Variants in PCDH9 observed in about 807,000 individuals in gnomAD.
PCDH9 encodes the protein protocadherin 9.
Under a neutral mutation model 70.6 loss-of-function variants are expected in PCDH9, and 24 were observed. That is an observed-to-expected ratio of 0.34 (90% confidence interval 0.25 to 0.48). The LOEUF (loss-of-function observed/expected upper bound fraction) is 0.48, where lower values mean the gene tolerates loss of function less well. PCDH9 is among the 20% of genes least tolerant of loss of function. The pLI is 0.99. For missense variants in PCDH9, 1,281 were observed against 1,503.6 expected (o/e 0.85, Z 2.45); for synonymous variants, 562 against 558.5 (o/e 1.01, Z -0.09).
At chr13:67,033,985 T>G (rs181948766) in intron 2 of PCDH9, among the ~76,000 whole-genome samples, 2 of 152,220 alleles carry the variant, frequency 1.3e-5, no homozygotes, top group Non-Finnish European at 2.9e-5. Flanking sequence ...TGTGTTTTTT[T>G]GTTTGTTTTT....
intron 4 of PCDH9, among the ~76,000 whole-genome samples, chr13:66,517,111 A>T (rs1593608515): frequency 6.6e-6 from 1 of 152,222 alleles, no homozygotes; most frequent in East Asian, 1.9e-4. Flanking sequence ...CACGTGCCAA[A>T]CTATATATGG....
chr13:66,565,043 C>A (rs1457414340), intron 4 of PCDH9, among the ~76,000 whole-genome samples: 1 of 151,960 alleles, frequency 6.6e-6, no homozygotes, highest in East Asian at 1.9e-4. Flanking sequence ...TGTACATATT[C>A]TTTTAACTGT....
chr13:66,355,035 G>T (rs1956356813), intron 4 of PCDH9, among the ~76,000 whole-genome samples: 1 of 152,126 alleles, frequency 6.6e-6, no homozygotes, highest in Non-Finnish European at 1.5e-5. Context: ...AATGCTGCCG[G>T]TCGGTCCATG....
chr13:66,443,244 T>C (rs1958007350), intron 4 of PCDH9, among the ~76,000 whole-genome samples: 1 of 152,200 alleles, frequency 6.6e-6, no homozygotes, highest in Admixed American at 6.5e-5. Context: ...TTCATTCATC[T>C]CTGGGACAAC....
chr13:66,788,720 A>T (rs113944923), intron 3 of PCDH9, among the ~76,000 whole-genome samples: 81 of 151,168 alleles, frequency 5.4e-4, no homozygotes, highest in Non-Finnish European at 1.0e-3. Flanking sequence ...AAAAATCAAA[A>T]CAAAATAAAA....
At chr13:66,417,229 CCT>C (rs1193780570) in intron 4 of PCDH9, among the ~76,000 whole-genome samples, 1 of 152,036 alleles carries the variant, frequency 6.6e-6, no homozygotes, top group Non-Finnish European at 1.5e-5. Flanking sequence ...TCCCTGTGAC[CCT>C]GTTTTCTCAT....
chr13:66,778,121 G>A (rs1396845889), intron 3 of PCDH9, among the ~76,000 whole-genome samples: 7 of 141,574 alleles, frequency 4.9e-5, no homozygotes, highest in African/African-American at 1.9e-4. Flanking sequence ...ACCACACTCT[G>A]GGGACTGTTG....
intron 4 of PCDH9, among the ~76,000 whole-genome samples, chr13:66,516,750 C>A (rs952796021): frequency 1.3e-5 from 2 of 151,930 alleles, no homozygotes; most frequent in African/African-American, 4.8e-5. Context: ...CTCTCTTTCT[C>A]TCTGTGTCTA....
Position 67,226,494 on chromosome 13 carries a change from A to G in PCDH9, c.1947T>C (p.Asp649=), listed in dbSNP as rs773135986. 15 of 1,614,140 alleles carry G rather than the reference A, an allele frequency of 9.3e-6. No individual in the cohort carries two copies. Among genetic ancestry groups the G allele is most frequent in the Admixed American group, 1.7e-5 (1 of 60,020 alleles). Residue 649 remains aspartate (D), a synonymous_variant, in exon 2 of 5, where the codon GAT becomes GAC. Coordinates refer to ENST00000377865, the MANE Select transcript of PCDH9 (RefSeq NM_203487.3). The surrounding 1 kb of genome is among the most constrained non-coding windows in gnomAD (Gnocchi z 5.0). ...SSYTFDVKAT[D]GGQPPRSSTA... is the part of the protein sequence containing the mutation. ...TAGAGGAACGAGGTGGTTGTCCTCC[A>G]TCAGTGGCTTTGACATCAAAAGTGT...
At chr13:66,777,824 C>T (rs1380833885) in intron 3 of PCDH9, among the ~76,000 whole-genome samples, 1 of 152,142 alleles carries the variant, frequency 6.6e-6, no homozygotes, top group African/African-American at 2.4e-5. Context: ...TATAAAGACA[C>T]ATGCACACGT....
chr13:66,476,643 A>G (rs950795136), intron 4 of PCDH9, among the ~76,000 whole-genome samples: 2 of 152,060 alleles, frequency 1.3e-5, no homozygotes, highest in East Asian at 1.9e-4. Context: ...GACATAATGT[A>G]TAATTCTGAC....
At chr13:66,866,764 T>C (rs2081583990) in intron 3 of PCDH9, among the ~76,000 whole-genome samples, 1 of 152,202 alleles carries the variant, frequency 6.6e-6, no homozygotes, top group South Asian at 2.1e-4. Flanking sequence ...GCCACTGCAC[T>C]CTAGCCTGGG....
At chr13:67,209,586 A>G (rs113135204) in intron 2 of PCDH9, 3 of 152,156 alleles carry the variant, frequency 2.0e-5, no homozygotes, top group Admixed American at 6.6e-5. Context: ...AAAGGGTACA[A>G]TGCAGTAAGT....
At chr13:67,112,527 A>C (rs536604370) in intron 2 of PCDH9, among the ~76,000 whole-genome samples, 104 of 152,290 alleles carry the variant, frequency 6.8e-4, no homozygotes, top group Middle Eastern at 3.4e-3. Context: ...CTAATAGAGC[A>C]TATTAACTAA....
At chr13:67,174,310 G>GATACACACATAC (rs567593126) in intron 2 of PCDH9, among the ~76,000 whole-genome samples, 1 of 149,548 alleles carries the variant, frequency 6.7e-6, no homozygotes, top group Non-Finnish European at 1.5e-5. Context: ...TAGATAGATA[G>GATACACACATAC]ATAGATACAT....
At chr13:66,412,327 G>A (rs9540739) in intron 4 of PCDH9, among the ~76,000 whole-genome samples, 74,039 of 151,836 alleles carry the variant, frequency 0.49, 18,120 homozygotes, top group South Asian at 0.54. Context: ...ACATCCAGCT[G>A]ATTAATTTTT....
At chr13:66,592,648 A>G (rs1038750936) in intron 4 of PCDH9, among the ~76,000 whole-genome samples, 3 of 151,878 alleles carry the variant, frequency 2.0e-5, no homozygotes, top group East Asian at 1.9e-4. Context: ...GTTTTTTACT[A>G]TAACTGGTTT....
chr13:66,716,726 C>A lies in PCDH9; in HGVS notation c.3139-85315G>T, dbSNP rs2078870308. Among the ~76,000 whole-genome samples, 4 of 152,188 alleles carry A rather than the reference C, an allele frequency of 2.6e-5. No homozygotes were observed. In the South Asian group the frequency reaches 8.3e-4, roughly 32 times the overall value. On this transcript the variant is annotated intron_variant, in intron 3 of 4. Transcript: ENST00000377865. ...AATTTCTTGGCTGACCTACTTTTTT[C>A]TTATTGACATGTTCTTCTTTCAGAT...
intron 2 of PCDH9, among the ~76,000 whole-genome samples, chr13:67,099,237 A>G (rs1456020603): frequency 6.6e-6 from 1 of 152,220 alleles, no homozygotes; most frequent in Non-Finnish European, 1.5e-5. Context: ...AAATTATTAG[A>G]GAACTTGTAA....
Sources: gnomAD v4.1 joint callset for allele counts (sites outside exome capture counted in the v4.1 genomes callset) on GRCh38, gnomAD v4.1.1 for gene constraint, Gnocchi (gnomAD v3.1) non-coding constraint, MANE v1.5 for transcripts, NCBI Gene and HGNC (gene_info 2026-07-23, HGNC 2026-07-21) for gene names.